Variants in UBE3C observed in about 807,000 individuals in gnomAD.
The protein encoded by UBE3C is ubiquitin protein ligase E3C, also known as ubiquitin-protein ligase E3C.
Under a neutral mutation model 129.4 loss-of-function variants are expected in UBE3C, and 42 were observed. The observed-to-expected ratio is 0.32, with a 90% CI of 0.25 to 0.42. The LOEUF (loss-of-function observed/expected upper bound fraction) is 0.42, where lower values mean the gene tolerates loss of function less well. Ranked by LOEUF, UBE3C falls within the 10% of genes least tolerant of loss-of-function variation. The pLI is 1.00. For synonymous variants in UBE3C, 510 were observed against 492.4 expected, an observed-to-expected ratio of 1.04 and a Z score of -0.47; for missense variants, 1,049 against 1,319.1, an observed-to-expected ratio of 0.80 and a Z score of 3.17.
At chr7:157,242,514 G>GTTA (rs776094182) in intron 18 of UBE3C, among the ~76,000 whole-genome samples, 1 of 112,126 alleles carries the variant, frequency 8.9e-6, no homozygotes, top group Non-Finnish European at 1.8e-5. Context: ...AGCCTGAGTT[G>GTTA]TTTTTTTTTT....
intron 2 of UBE3C, among the ~76,000 whole-genome samples, chr7:157,165,105 A>G (rs147668509): frequency 3.3e-5 from 5 of 152,206 alleles, no homozygotes; most frequent in South Asian, 2.1e-4. Flanking sequence ...GAAACTACCA[A>G]ATGTCCCAGG....
chr7:157,181,626 T>A lies in UBE3C; in HGVS notation c.725T>A (p.Leu242Gln). The change falls in exon 7 of 23, where the codon CTA becomes CAA. Residue 242 changes from leucine to glutamine, a missense_variant. By Grantham distance (113) the Leu-to-Gln change is moderately radical. This residue lies in a region of UBE3C where 489 missense variants were observed against 513.8 expected (regional missense o/e 0.95). Coordinates refer to ENST00000348165, the MANE Select transcript of UBE3C (RefSeq NM_014671.3). ...PIAKILLENVLKPLHFTYNSC... is the reference protein window; with the variant it reads ...PIAKILLENVQKPLHFTYNSC... ...GCAAAAATTTTGCTAGAGAATGTTCTAAAACCATTGCACTTTACTTACAAC... is the reference window on the plus strand; with the variant it reads ...GCAAAAATTTTGCTAGAGAATGTTCAAAAACCATTGCACTTTACTTACAAC... 6.2e-7 allele frequency: 1 copy of A among 1,613,904 alleles called. No individual in the cohort carries two copies. Among genetic ancestry groups the A allele is most frequent in the Non-Finnish European group, 8.5e-7 (1 of 1,179,952 alleles).
At chr7:157,174,793 T>C (rs1808470785) in intron 4 of UBE3C, 126 bp from the exon 5 acceptor site, 1 of 650,690 alleles carries the variant, frequency 1.5e-6, no homozygotes, top group Non-Finnish European at 2.5e-6. Flanking sequence ...ATTTACTTCT[T>C]AACCATCTTT....
intron 1 of UBE3C, among the ~76,000 whole-genome samples, chr7:157,159,655 G>A (rs1254875301): frequency 6.6e-6 from 1 of 152,190 alleles, no homozygotes; most frequent in Non-Finnish European, 1.5e-5. Flanking sequence ...ATCACTTGAG[G>A]TCAGGAGTTT....
intron 1 of UBE3C, among the ~76,000 whole-genome samples, chr7:157,149,161 A>G (rs1474099865): frequency 2.0e-5 from 3 of 152,222 alleles, no homozygotes; most frequent in East Asian, 1.9e-4. Context: ...GGTTCAAGCA[A>G]TTCTCCTGCC....
chr7:157,265,436 GC>G (rs1797050293), intron 22 of UBE3C, among the ~76,000 whole-genome samples: 1 of 152,174 alleles, frequency 6.6e-6, no homozygotes, highest in African/African-American at 2.4e-5. Context: ...GGACCGACAC[GC>G]CCATAGGTCT....
In UBE3C at chr7:157,254,020, C is replaced by T. The variant is rs1796683034; in HGVS notation, c.2761C>T (p.His921Tyr). The T allele has an allele frequency of 6.2e-7, 1 of 1,613,120 alleles. No homozygotes were observed. Among genetic ancestry groups the T allele is most frequent in the South Asian group, 1.1e-5 (1 of 90,790 alleles). Residue 921 changes from histidine (H) to tyrosine (Y), a missense_variant, in exon 20 of 23, where the codon CAC becomes TAC. Coordinates refer to ENST00000348165, the MANE Select transcript of UBE3C (RefSeq NM_014671.3). ...VTSANRIAYI[H>Y]LVADYRLNRQ... is the part of the protein sequence containing the mutation. ...CAGCGCCAACCGGATTGCGTACATC[C>T]ACTTGGTGGCAGACTACAGGCTGAA...
intron 1 of UBE3C, 81 bp from the exon 2 acceptor site, chr7:157,163,729 G>GA (rs1439367145): frequency 6.8e-7 from 1 of 1,476,036 alleles, no homozygotes; most frequent in East Asian, 2.3e-5. Context: ...TTTTTTGGGT[G>GA]AAAACATTCT....
At chr7:157,139,443 TG>T in intron 1 of UBE3C, 105 bp downstream of exon 1, 1 of 362,130 alleles carries the variant, frequency 2.8e-6, no homozygotes, top group Non-Finnish European at 4.2e-6. Flanking sequence ...GGCCGAGACT[TG>T]GGGCTGGATT....
intron 4 of UBE3C, among the ~76,000 whole-genome samples, chr7:157,170,852 T>C (rs1483113007): frequency 6.6e-6 from 1 of 152,170 alleles, no homozygotes; most frequent in Non-Finnish European, 1.5e-5. Context: ...TTACATTTTA[T>C]TATTATTATA....
intron 1 of UBE3C, among the ~76,000 whole-genome samples, chr7:157,139,770 TG>T (rs1586635784): frequency 6.6e-6 from 1 of 152,366 alleles, no homozygotes; most frequent in East Asian, 1.9e-4. Context: ...GCGCTTTCCA[TG>T]CTCGCTCCCG....
At chr7:157,158,418 T>C (rs575858037) in intron 1 of UBE3C, among the ~76,000 whole-genome samples, 1 of 152,200 alleles carries the variant, frequency 6.6e-6, no homozygotes. Context: ...TGAAAGTAGA[T>C]GCACAGAGTG....
chr7:157,247,314 T>C (rs1467832893), intron 18 of UBE3C, among the ~76,000 whole-genome samples: 4 of 152,264 alleles, frequency 2.6e-5, no homozygotes, highest in Non-Finnish European at 5.9e-5. Flanking sequence ...AATTAATGTC[T>C]AACTGCATGT....
intron 1 of UBE3C, among the ~76,000 whole-genome samples, chr7:157,160,409 T>C (rs1808039046): frequency 1.3e-5 from 2 of 152,200 alleles, no homozygotes; most frequent in African/African-American, 4.8e-5. Context: ...CAGTTTTCAT[T>C]GTATTTAATT....
chr7:157,166,343 A>C lies in UBE3C; in HGVS notation c.120+2480A>C, dbSNP rs558740033. On this transcript the variant is annotated intron_variant, in intron 2 of 22. Transcript: ENST00000348165. ...CCAGAATTTCTAGTTGATTCTTTTT[A>C]AAAATACTTACTCTTTGGTAAGTTG... 8.5e-5 allele frequency among the ~76,000 whole-genome samples: 13 copies of C among 152,320 alleles called. No individual in the cohort carries two copies. In the South Asian group the frequency reaches 1.2e-3, roughly 15 times the overall value.
intron 3 of UBE3C, among the ~76,000 whole-genome samples, 179 bp from the exon 4 acceptor site, chr7:157,170,125 T>G (rs561635503): frequency 1.3e-5 from 2 of 151,892 alleles, no homozygotes; most frequent in Non-Finnish European, 2.9e-5. Context: ...TGGTTTTTTT[T>G]TTTTTTTTTC....
Position 157,231,107 on chromosome 7 carries a change from T to C in UBE3C, c.2261T>C (p.Val754Ala). Residue 754 changes from valine (V) to alanine (A), a missense_variant, in exon 18 of 23, where the codon GTG becomes GCG. Physicochemically the swap from Val to Ala is moderately conservative, Grantham distance 64. Around this residue, in one of 4 missense-constraint regions of UBE3C, gnomAD observed 314 missense variants for 416.9 expected, o/e 0.75. Transcript: ENST00000348165. ...NEPDLKKRIRVHLLNAHGLDE... is the reference protein window; with the variant it reads ...NEPDLKKRIRAHLLNAHGLDE... Reference sequence around the variant, plus strand: ...CCTGATTTGAAAAAGCGGATCCGTGTGCACTTGCTCAATGCCCATGGCCTG... The same window carrying C: ...CCTGATTTGAAAAAGCGGATCCGTGCGCACTTGCTCAATGCCCATGGCCTG... 6.2e-7 allele frequency: 1 copy of C among 1,614,134 alleles called. No homozygotes were observed. Among genetic ancestry groups the C allele is most frequent in the East Asian group, 2.2e-5 (1 of 44,874 alleles).
At chr7:157,242,865 A>G (rs539105052) in intron 18 of UBE3C, among the ~76,000 whole-genome samples, 188 of 151,808 alleles carry the variant, frequency 1.2e-3, no homozygotes, top group Non-Finnish European at 2.1e-3. Flanking sequence ...GACCAGCCTG[A>G]CCAACATGGT....
At chr7:157,200,444 T>G (rs1050843677) in intron 10 of UBE3C, among the ~76,000 whole-genome samples, 1 of 152,196 alleles carries the variant, frequency 6.6e-6, no homozygotes, top group African/African-American at 2.4e-5. Flanking sequence ...TATGAGATTT[T>G]TTTATTGGAT....
Sources: gnomAD v4.1 joint callset for allele counts (sites outside exome capture counted in the v4.1 genomes callset) on GRCh38, gnomAD v4.1.1 for gene constraint, gnomAD v4.1.1 regional missense constraint, MANE v1.5 for transcripts, NCBI Gene and HGNC (gene_info 2026-07-23, HGNC 2026-07-21) for gene names.